PTPRN2: variants seen among roughly 807,000 people sequenced by gnomAD.
PTPRN2 encodes receptor-type tyrosine-protein phosphatase N2.
A neutral mutation model predicts 118.8 loss-of-function variants in PTPRN2; 74 were observed. The ratio of observed to expected loss-of-function variants is 0.62; its 90% CI spans 0.52 to 0.76. The LOEUF (loss-of-function observed/expected upper bound fraction) is 0.76. PTPRN2 is among the 30% of genes least tolerant of loss of function. The pLI is 0.00. For missense variants in PTPRN2, 1,481 were observed against 1,394.4 expected (o/e 1.06, Z -0.99); for synonymous variants, 641 against 608.0 (o/e 1.05, Z -0.80).
chr7:158,220,416 C>T (rs550265009), intron 3 of PTPRN2, among the ~76,000 whole-genome samples: 2 of 152,088 alleles, frequency 1.3e-5, no homozygotes, highest in South Asian at 4.2e-4. Context: ...ACATAGAAAC[C>T]CCTAAAAACT....
chr7:157,797,922 C>T (rs1804972733), intron 12 of PTPRN2, among the ~76,000 whole-genome samples: 1 of 152,228 alleles, frequency 6.6e-6, no homozygotes, highest in Non-Finnish European at 1.5e-5. Context: ...CTATGCTCAT[C>T]TTTCCTTTGA....
chr7:157,848,855 C>T (rs1809069528), intron 12 of PTPRN2, among the ~76,000 whole-genome samples: 1 of 152,252 alleles, frequency 6.6e-6, no homozygotes, highest in Non-Finnish European at 1.5e-5. Flanking sequence ...CCTCTGCAGT[C>T]CCAGACCCAG....
intron 3 of PTPRN2, among the ~76,000 whole-genome samples, chr7:158,221,524 A>G (rs1041098225): frequency 2.0e-5 from 3 of 152,160 alleles, no homozygotes; most frequent in African/African-American, 7.2e-5. Flanking sequence ...GGTAAACTAA[A>G]AGAGCAAGAG....
intron 4 of PTPRN2, among the ~76,000 whole-genome samples, chr7:158,201,990 A>C (rs1826681475): frequency 6.6e-6 from 1 of 152,216 alleles, no homozygotes. Flanking sequence ...ATCTCTAAAA[A>C]TATTTTACAG....
intron 2 of PTPRN2, among the ~76,000 whole-genome samples, chr7:158,424,656 GGCCCTGAGA>G (rs1028979195): frequency 9.2e-5 from 14 of 152,258 alleles, no homozygotes; most frequent in Non-Finnish European, 1.8e-4. Flanking sequence ...CGCAGAGCGC[GGCCCTGAGA>G]GCCCTGAGAG....
Position 158,461,083 on chromosome 7 carries a change from G to A in PTPRN2, c.163+28652C>T, listed in dbSNP as rs537123392. Among the ~76,000 whole-genome samples the A allele has an allele frequency of 4.6e-5, 7 of 152,324 alleles. No individual in the cohort carries two copies. In the South Asian group the frequency reaches 6.2e-4, roughly 14 times the overall value. On this transcript the variant is annotated intron_variant, in intron 2 of 22. Coordinates refer to ENST00000389418, the MANE Select transcript of PTPRN2 (RefSeq NM_002847.5). ...CTTTCTACTATGGAGGATTCTGCCCGACAGTCATGTGGCTTCACTTAAGAT... is the reference window on the plus strand; with the variant it reads ...CTTTCTACTATGGAGGATTCTGCCCAACAGTCATGTGGCTTCACTTAAGAT...
intron 2 of PTPRN2, among the ~76,000 whole-genome samples, chr7:158,339,753 C>G (rs1198342442): frequency 1.4e-5 from 1 of 73,516 alleles, no homozygotes; most frequent in African/African-American, 5.2e-5. Context: ...ACCATAAGAG[C>G]TGACACCTGC....
In PTPRN2 at chr7:158,529,471, G is replaced by A. The variant is rs1003083776; in HGVS notation, c.113-39686C>T. Among the ~76,000 whole-genome samples the A allele has an allele frequency of 5.9e-5, 9 of 152,160 alleles. No homozygotes were observed. Among genetic ancestry groups the A allele is most frequent in the East Asian group, 1.9e-4 (1 of 5,182 alleles). On this transcript the variant is annotated intron_variant, in intron 1 of 22. Coordinates refer to ENST00000389418, the MANE Select transcript of PTPRN2 (RefSeq NM_002847.5). This position sits in a 1 kb window ranked among gnomAD's most constrained non-coding sequence, Gnocchi z 4.7. The stretch of plus-strand genomic sequence containing the variant: ...GGTGCTGCTGACCACGGCCAGCAAC[G>A]ACGAGCCATGGTGACAGCTCACACA...
chr7:158,210,113 A>T (rs2033395500), intron 3 of PTPRN2, among the ~76,000 whole-genome samples: 1 of 151,592 alleles, frequency 6.6e-6, no homozygotes, highest in African/African-American at 2.4e-5. Flanking sequence ...AATACCCTCA[A>T]ACAATCTAAT....
chr7:158,003,452 C>T lies in PTPRN2; in HGVS notation c.1723+77846G>A, dbSNP rs1366984130. On this transcript the variant is annotated intron_variant, in intron 11 of 22. Transcript: ENST00000389418. This position sits in a 1 kb window ranked among gnomAD's most constrained non-coding sequence, Gnocchi z 5.0. Reference sequence around the variant, plus strand: ...AAAAAAAATGAGGTCCTGAGGGGGCCCCAATCCAATAGGACCTGTGTTCTT... The same window carrying T: ...AAAAAAAATGAGGTCCTGAGGGGGCTCCAATCCAATAGGACCTGTGTTCTT... Among the ~76,000 whole-genome samples, 2 of 151,928 alleles carry T rather than the reference C, an allele frequency of 1.3e-5. No homozygotes were observed. The highest frequency in any genetic ancestry group is 3.2e-3 in the Middle Eastern group (1 of 314).
chr7:157,771,603 G>A (rs1802807449), intron 12 of PTPRN2, among the ~76,000 whole-genome samples: 1 of 152,168 alleles, frequency 6.6e-6, no homozygotes, highest in Non-Finnish European at 1.5e-5. Flanking sequence ...AGACACACAC[G>A]GCACAGGGAA....
intron 5 of PTPRN2, among the ~76,000 whole-genome samples, chr7:158,181,568 G>A (rs1824709381): frequency 2.6e-5 from 4 of 152,012 alleles, no homozygotes; most frequent in African/African-American, 9.7e-5. Context: ...CTGGTCCTGG[G>A]CTTTTTTTGT....
chr7:157,642,568 G>A (rs556778312), intron 14 of PTPRN2, among the ~76,000 whole-genome samples: 42 of 152,182 alleles, frequency 2.8e-4, no homozygotes, highest in African/African-American at 8.9e-4. Context: ...GCCTGTGGAC[G>A]TCTCCGTCCG....
At position 157,587,649 on chromosome 7, in the gene PTPRN2, C is replaced by T. The variant is rs912985337; in HGVS notation, c.2496+7589G>A. On this transcript the variant is annotated intron_variant, in intron 17 of 22. Transcript: ENST00000389418. This position sits in a 1 kb window ranked among gnomAD's most constrained non-coding sequence, Gnocchi z 5.3. ...TGTTGATGTGCAATAAGAGTCAACA[C>T]ACATCCGATGCCAGTGGGACACCTG... is the stretch of plus-strand genomic sequence containing the variant. Among the ~76,000 whole-genome samples, 6 of 152,240 alleles carry T rather than the reference C, an allele frequency of 3.9e-5. No homozygotes were observed. The highest frequency in any genetic ancestry group is 1.4e-4 in the African/African-American group (6 of 41,458).
In PTPRN2 at chr7:157,808,280, G is replaced by C. The variant is rs1473165548; in HGVS notation, c.1788+90393C>G. Among the ~76,000 whole-genome samples the C allele has an allele frequency of 6.6e-6, 1 of 151,762 alleles. No individual in the cohort carries two copies. The highest frequency in any genetic ancestry group is 2.4e-5 in the African/African-American group (1 of 41,296). On this transcript the variant is annotated intron_variant, in intron 12 of 22. Coordinates refer to ENST00000389418, the MANE Select transcript of PTPRN2 (RefSeq NM_002847.5). This position sits in a 1 kb window ranked among gnomAD's most constrained non-coding sequence, Gnocchi z 5.0. ...TGGGTGAGTGGCGGGAGAGTGAGCT[G>C]TTGAGTGGCCGGTGAGTGGTGGGTG...
chr7:158,059,470 A>G lies in PTPRN2; in HGVS notation c.1723+21828T>C, dbSNP rs112344161. 8.3e-3 allele frequency among the ~76,000 whole-genome samples: 771 copies of G among 92,790 alleles called. 6 individuals are homozygous for G. The highest frequency in any genetic ancestry group is 9.1e-3 in the Non-Finnish European group (433 of 47,662). 60.9% of individuals were successfully genotyped at this position (92,790 alleles called of 152,430 possible). On this transcript the variant is annotated intron_variant, in intron 11 of 22. Transcript: ENST00000389418. ...CTGCAGCCACACTCCATCTGCACAC[A>G]GTGACACATCACTGCAGCCACACTC...
intron 6 of PTPRN2, among the ~76,000 whole-genome samples, chr7:158,149,148 T>C (rs1156678075): frequency 1.3e-5 from 2 of 151,272 alleles, no homozygotes; most frequent in East Asian, 2.0e-4. Context: ...CCACGTGTCT[T>C]TCCCCCTCAG....
At chr7:158,086,637 T>TAGAC (rs1307820424) in intron 10 of PTPRN2, among the ~76,000 whole-genome samples, 1 of 152,124 alleles carries the variant, frequency 6.6e-6, no homozygotes, top group Non-Finnish European at 1.5e-5. Context: ...TGGCACTCAA[T>TAGAC]AGACCATAAA....
chr7:157,843,305 T>C (rs969930033), intron 12 of PTPRN2, among the ~76,000 whole-genome samples: 2 of 152,214 alleles, frequency 1.3e-5, no homozygotes, highest in African/African-American at 4.8e-5. Context: ...GCAATTAATG[T>C]CTTCAAAAGC....
Sources: gnomAD v4.1 joint callset for allele counts (sites outside exome capture counted in the v4.1 genomes callset) on GRCh38, gnomAD v4.1.1 for gene constraint, Gnocchi (gnomAD v3.1) non-coding constraint, MANE v1.5 for transcripts, NCBI Gene and HGNC (gene_info 2026-07-23, HGNC 2026-07-21) for gene names.